FBXL13: variants seen among roughly 807,000 people sequenced by gnomAD.
FBXL13 encodes F-box and leucine-rich repeat protein 13.
FBXL13 carries 67 observed loss-of-function variants against 83.6 expected under a neutral mutation model. The observed-to-expected ratio is 0.80, with a 90% confidence interval of 0.66 to 0.98. FBXL13 has a LOEUF of 0.98. Among genes scored for constraint, FBXL13 ranks in the 50% least tolerant of loss-of-function variants. The pLI, the probability that FBXL13 is intolerant of heterozygous loss-of-function variation, is 0.00. For synonymous variants in FBXL13, 272 were observed against 299.5 expected, an observed-to-expected ratio of 0.91 and a Z score of 0.95; for missense variants, 822 against 866.5, an observed-to-expected ratio of 0.95 and a Z score of 0.64.
intron 6 of FBXL13, among the ~76,000 whole-genome samples, chr7:103,023,212 C>G (rs942291751): frequency 1.3e-5 from 2 of 152,030 alleles, no homozygotes; most frequent in African/African-American, 4.8e-5. Context: ...GGAGGTGGAG[C>G]CTGCAGTGAG....
intron 6 of FBXL13, chr7:102,976,375 C>T: frequency 1.7e-6 from 1 of 594,152 alleles, no homozygotes. Context: ...CTCCACTTTT[C>T]TGCTCCCTGC....
intron 10 of FBXL13, among the ~76,000 whole-genome samples, chr7:102,922,345 AT>A (rs1057279144): frequency 4.0e-5 from 6 of 151,878 alleles, no homozygotes; most frequent in African/African-American, 9.7e-5. Context: ...TCATGACCAT[AT>A]TTTTTTTATT....
At chr7:102,954,025 G>A (rs1022701029) in intron 8 of FBXL13, among the ~76,000 whole-genome samples, 1 of 152,138 alleles carries the variant, frequency 6.6e-6, no homozygotes, top group Non-Finnish European at 1.5e-5. Context: ...CGCAGAAGAC[G>A]GGTGATTTCT....
rs559125727 is a variant in FBXL13, at chr7:102,831,433, C to T, written c.1854+1407G>A. ...CACACACACACACACACACACACAC[C>T]CCACTACAGAGAGTTATCTTGTCCA... is the stretch of plus-strand genomic sequence containing the variant. On this transcript the variant is annotated intron_variant, in intron 18 of 19. Transcript: ENST00000313221. Among the ~76,000 whole-genome samples the T allele has an allele frequency of 6.1e-5, 8 of 130,876 alleles. No homozygotes were observed. The South Asian group carries it at 7.0e-4, about 12-fold the overall frequency. The allele number at this position is 130,876 out of a possible 152,430, so 85.9% of individuals were successfully genotyped here. A position where few individuals can be genotyped will look rare whatever the true frequency, so the allele number is the denominator to read the frequency against.
chr7:102,813,333 G>A, exon 20 of FBXL13: 1 of 1,594,490 alleles, frequency 6.3e-7, no homozygotes, highest in Non-Finnish European at 8.5e-7. Flanking sequence ...TCCTGCTTGA[G>A]GCTGAAGGTC....
intron 17 of FBXL13, among the ~76,000 whole-genome samples, chr7:102,833,770 T>C (rs115629482): frequency 0.015 from 2,296 of 152,054 alleles, 57 homozygotes; most frequent in African/African-American, 0.053. Flanking sequence ...TAGCATTGTT[T>C]TGAAATGCTG....
intron 16 of FBXL13, chr7:102,874,371 T>G (rs1808943793): frequency 1.0e-6 from 1 of 985,330 alleles, no homozygotes; most frequent in African/African-American, 1.7e-5. Flanking sequence ...CATTTGCCTT[T>G]TAGTTCAGAG....
At chr7:102,849,352 A>G (rs1434454622) in intron 17 of FBXL13, among the ~76,000 whole-genome samples, 1 of 152,270 alleles carries the variant, frequency 6.6e-6, no homozygotes, top group East Asian at 1.9e-4. Flanking sequence ...CTGAGGCTCC[A>G]GACACTGACT....
At chr7:102,834,975 A>T (rs1353467134) in intron 17 of FBXL13, among the ~76,000 whole-genome samples, 1 of 152,042 alleles carries the variant, frequency 6.6e-6, no homozygotes, top group African/African-American at 2.4e-5. Flanking sequence ...TCAGTTAAAA[A>T]TTTTAAGCCA....
At chr7:103,020,371 A>T (rs1390632850) in intron 6 of FBXL13, among the ~76,000 whole-genome samples, 3 of 152,186 alleles carry the variant, frequency 2.0e-5, no homozygotes, top group African/African-American at 7.2e-5. Flanking sequence ...CAATATCATA[A>T]TGAATGAGCA....
At chr7:102,995,208 A>G (rs561340914) in intron 6 of FBXL13, among the ~76,000 whole-genome samples, 211 of 152,278 alleles carry the variant, frequency 1.4e-3, no homozygotes, top group African/African-American at 3.3e-3. Flanking sequence ...TCAGCCAGGC[A>G]CGGTGGCCCA....
intron 18 of FBXL13, among the ~76,000 whole-genome samples, chr7:102,822,999 C>G (rs1214294250): frequency 2.0e-5 from 3 of 152,134 alleles, no homozygotes; most frequent in African/African-American, 7.2e-5. Flanking sequence ...GAGGTCAGTG[C>G]TTCAGTGAGC....
chr7:102,891,308 G>A (rs1454491033), intron 11 of FBXL13, among the ~76,000 whole-genome samples: 1 of 152,168 alleles, frequency 6.6e-6, no homozygotes, highest in Non-Finnish European at 1.5e-5. Flanking sequence ...CGCACTTCTT[G>A]CTGGTAGTCC....
chr7:102,896,131 A>G (rs1220235594), intron 11 of FBXL13, among the ~76,000 whole-genome samples: 2 of 152,216 alleles, frequency 1.3e-5, no homozygotes, highest in African/African-American at 4.8e-5. Flanking sequence ...AAATACTGTC[A>G]AAGGGGCAAC....
At chr7:102,845,337 A>C (rs1188231838) in intron 17 of FBXL13, among the ~76,000 whole-genome samples, 4 of 152,316 alleles carry the variant, frequency 2.6e-5, no homozygotes, top group African/African-American at 4.8e-5. Context: ...AAATATTAGA[A>C]CAAAAGATAC....
intron 6 of FBXL13, among the ~76,000 whole-genome samples, chr7:102,994,690 C>T (rs1829914879): frequency 6.6e-6 from 1 of 152,218 alleles, no homozygotes; most frequent in African/African-American, 2.4e-5. Context: ...CTCAGGTCCT[C>T]TTATGCAAAT....
intron 8 of FBXL13, among the ~76,000 whole-genome samples, chr7:102,940,343 G>A (rs916663118): frequency 1.4e-4 from 22 of 151,954 alleles, no homozygotes; most frequent in Admixed American, 5.2e-4. Flanking sequence ...CCAAGTAGCT[G>A]GAACTACAGG....
rs553487507 is a variant in FBXL13, at chr7:102,941,316, G to C, written c.725-9383C>G. Among the ~76,000 whole-genome samples the C allele has an allele frequency of 3.3e-5, 5 of 152,250 alleles. No individual in the cohort carries two copies. The South Asian group carries it at 1.0e-3, about 32-fold the overall frequency. On this transcript the variant is annotated intron_variant, in intron 8 of 19. Coordinates refer to ENST00000313221, the Ensembl canonical transcript of FBXL13. ...CATGTCCACAAAGCCAGGGTACAGG[G>C]TAAAGAATCTGGAAGTGGAGACCCT...
intron 8 of FBXL13, among the ~76,000 whole-genome samples, chr7:102,950,675 TA>T (rs951369581): frequency 5.3e-5 from 8 of 152,204 alleles, no homozygotes; most frequent in African/African-American, 7.2e-5. Context: ...TATTCAGCAT[TA>T]AAAAAATGAT....
Sources: gnomAD v4.1 joint callset for allele counts (sites outside exome capture counted in the v4.1 genomes callset) on GRCh38, gnomAD v4.1.1 for gene constraint, MANE v1.5 for transcripts, NCBI Gene and HGNC (gene_info 2026-07-23, HGNC 2026-07-21) for gene names.